FLVCR2: variants seen among roughly 807,000 people sequenced by gnomAD.
FLVCR2 encodes choline/ethanolamine transporter FLVCR2.
Under a neutral mutation model 48.9 loss-of-function variants are expected in FLVCR2, and 38 were observed. That is an observed-to-expected ratio of 0.78 (90% CI 0.60 to 1.02). The LOEUF (loss-of-function observed/expected upper bound fraction) is 1.02, where lower values mean the gene tolerates loss of function less well. FLVCR2 is among the 50% of genes least tolerant of loss of function. FLVCR2 has a pLI of 0.00. For synonymous variants in FLVCR2, 255 were observed against 257.0 expected (o/e 0.99, Z 0.07); for missense variants, 664 against 663.3 (o/e 1.00, Z -0.01).
At chr14:75,596,790 C>CG (rs1262966602) in intron 1 of FLVCR2, among the ~76,000 whole-genome samples, 1 of 124,658 alleles carries the variant, frequency 8.0e-6, no homozygotes, top group African/African-American at 2.9e-5. Flanking sequence ...GCCCCCCCCC[C>CG]CCGCCCCCAC....
chr14:75,598,910 C>T (rs1889091885), intron 1 of FLVCR2, among the ~76,000 whole-genome samples: 2 of 152,216 alleles, frequency 1.3e-5, no homozygotes, highest in Admixed American at 1.3e-4. Context: ...CTCTTGTTAC[C>T]TCTCAGCCTT....
chr14:75,629,133 C>A (rs1035108289), intron 3 of FLVCR2, among the ~76,000 whole-genome samples: 1 of 152,122 alleles, frequency 6.6e-6, no homozygotes, highest in Admixed American at 6.5e-5. Flanking sequence ...GTGTTGCTGG[C>A]TTTTCCCTAG....
chr14:75,609,040 A>T (rs1213074929), intron 1 of FLVCR2, among the ~76,000 whole-genome samples: 1 of 152,018 alleles, frequency 6.6e-6, no homozygotes, highest in Non-Finnish European at 1.5e-5. Flanking sequence ...AAGCCACTAA[A>T]GAAGGCCCTC....
intron 5 of FLVCR2, among the ~76,000 whole-genome samples, chr14:75,635,689 A>G (rs1414132141): frequency 6.6e-6 from 1 of 151,762 alleles, no homozygotes; most frequent in Non-Finnish European, 1.5e-5. Context: ...ACATGGTGAA[A>G]CCCCATCTCT....
At chr14:75,606,380 G>T (rs1423059682) in intron 1 of FLVCR2, among the ~76,000 whole-genome samples, 1 of 152,188 alleles carries the variant, frequency 6.6e-6, no homozygotes, top group East Asian at 1.9e-4. Flanking sequence ...TGGGCTAGTA[G>T]CTGCCTTTTG....
intron 1 of FLVCR2, among the ~76,000 whole-genome samples, chr14:75,580,535 C>T (rs1364967391): frequency 6.6e-6 from 1 of 152,228 alleles, no homozygotes; most frequent in Non-Finnish European, 1.5e-5. Context: ...ACCAAACAGG[C>T]TTTGTGTGAG....
rs1804330557 is a variant in FLVCR2 at position 75,640,954 on chromosome 14, G to A, written c.1236-1G>A. The A allele has an allele frequency of 6.2e-7, 1 of 1,611,372 alleles. No homozygotes were observed. Among genetic ancestry groups the A allele is most frequent in the Non-Finnish European group, 8.5e-7 (1 of 1,177,646 alleles). On this transcript the variant is annotated splice_acceptor_variant, in intron 6 of 9. Coordinates refer to ENST00000238667, the MANE Select transcript of FLVCR2 (RefSeq NM_017791.3). LOFTEE classifies it high-confidence loss of function. ...CCTTGTTTCTCTGGTCTGGTCTTCA[G>A]CTTCTTTATGACTGGCTATCTCCCA...
intron 1 of FLVCR2, among the ~76,000 whole-genome samples, chr14:75,583,989 T>C (rs1025732285): frequency 3.9e-5 from 6 of 152,026 alleles, no homozygotes; most frequent in East Asian, 3.9e-4. Context: ...CCAAGGAACA[T>C]TGGGTTTGGG....
At chr14:75,601,453 C>T (rs116850512) in intron 1 of FLVCR2, among the ~76,000 whole-genome samples, 2,212 of 152,196 alleles carry the variant, frequency 0.015, 26 homozygotes, top group Non-Finnish European at 0.021. Context: ...TAAAAAGGTG[C>T]TCAACATTAG....
rs2140059004 is a variant in FLVCR2, at chr14:75,646,482, G to T, written c.*10G>T. 1 of 1,605,830 alleles carries T rather than the reference G, an allele frequency of 6.2e-7. No individual in the cohort carries two copies. Among genetic ancestry groups the T allele is most frequent in the Non-Finnish European group, 8.5e-7 (1 of 1,172,390 alleles). ...AGAGGATCATCTCTGAGAGGAAGGT[G>T]GTGACAACTCAGGGAACACGAACAC... On this transcript the variant is annotated 3_prime_UTR_variant, in exon 10 of 10. Transcript: ENST00000238667.
chr14:75,646,527 C>A lies in FLVCR2; in HGVS notation c.*55C>A. On this transcript the variant is annotated 3_prime_UTR_variant, in exon 10 of 10. Coordinates refer to ENST00000238667, the MANE Select transcript of FLVCR2 (RefSeq NM_017791.3). ...GAACACCCCACCTTTTCCTTCAGCA[C>A]AGCTCTCACCGCCAGCACAAAGGGC... 8.0e-7 allele frequency: 1 copy of A among 1,253,748 alleles called. No individual in the cohort carries two copies. Among genetic ancestry groups the A allele is most frequent in the Non-Finnish European group, 1.2e-6 (1 of 853,096 alleles). 77.7% of individuals were successfully genotyped at this position (1,253,748 alleles called of 1,614,324 possible). A position where few individuals can be genotyped will look rare whatever the true frequency, so the allele number is the denominator to read the frequency against.
chr14:75,624,713 T>C lies in FLVCR2; in HGVS notation c.913T>C (p.Phe305Leu). 1 of 1,614,194 alleles carries C rather than the reference T, an allele frequency of 6.2e-7. No individual in the cohort carries two copies. The highest frequency in any genetic ancestry group is 8.5e-7 in the Non-Finnish European group (1 of 1,180,032). The change falls in exon 3 of 10, where the codon TTC becomes CTC. Residue 305 changes from phenylalanine (F) to leucine (L), a missense_variant. Coordinates refer to ENST00000238667, the MANE Select transcript of FLVCR2 (RefSeq NM_017791.3). ...ATACTTAGGTTCCATCGCCCGGCTC[T>C]TCAAAAATCTCAACTTTGTGCTGCT... ...ASYLGSIARLFKNLNFVLLVI... is the reference protein window; with the variant it reads ...ASYLGSIARLLKNLNFVLLVI...
chr14:75,624,883 A>G, intron 3 of FLVCR2, 131 bp downstream of exon 3: 1 of 1,117,888 alleles, frequency 8.9e-7, no homozygotes, highest in South Asian at 1.3e-5. Flanking sequence ...GTCAATCCAG[A>G]GGACCCAGCT....
At chr14:75,630,898 G>A (rs575710944) in intron 3 of FLVCR2, among the ~76,000 whole-genome samples, 6 of 152,110 alleles carry the variant, frequency 3.9e-5, no homozygotes. Flanking sequence ...AGGATGATCA[G>A]ACCTGAATAG....
At chr14:75,584,349 G>A (rs910665338) in intron 1 of FLVCR2, among the ~76,000 whole-genome samples, 2 of 152,188 alleles carry the variant, frequency 1.3e-5, no homozygotes, top group Non-Finnish European at 2.9e-5. Flanking sequence ...TTTGAGGGCC[G>A]GATTCCAATT....
At chr14:75,643,250 G>C (rs779428156) in intron 9 of FLVCR2, among the ~76,000 whole-genome samples, 1 of 152,216 alleles carries the variant, frequency 6.6e-6, no homozygotes, top group Non-Finnish European at 1.5e-5. Context: ...GGACATTAAG[G>C]TTGTTTTGAA....
Position 75,579,154 on chromosome 14 carries a change from C to G in FLVCR2, c.182C>G (p.Pro61Arg). Residue 61 changes from proline (P) to arginine (R), a missense_variant, in exon 1 of 10, where the codon CCC (proline) becomes CGC (arginine). Physicochemically the swap from Pro to Arg is moderately radical, Grantham distance 103. Coordinates refer to ENST00000238667, the MANE Select transcript of FLVCR2 (RefSeq NM_017791.3). Reference sequence around the variant, plus strand: ...GCCCACCCCAGTGCCTTAGCCCAACCCAGTGGCTTGGCTCACCCCAGTAGC... The same window carrying G: ...GCCCACCCCAGTGCCTTAGCCCAACGCAGTGGCTTGGCTCACCCCAGTAGC... ...SSAHPSALAQ[P>R]SGLAHPSSSG... 1 of 1,614,064 alleles carries G rather than the reference C, an allele frequency of 6.2e-7. No individual in the cohort carries two copies. Among genetic ancestry groups the G allele is most frequent in the African/African-American group, 1.3e-5 (1 of 75,048 alleles).
intron 1 of FLVCR2, among the ~76,000 whole-genome samples, chr14:75,607,781 A>G (rs1166341791): frequency 1.3e-5 from 2 of 152,238 alleles, no homozygotes; most frequent in Non-Finnish European, 2.9e-5. Context: ...TGAACTCAAA[A>G]AAAAAGGGGG....
At chr14:75,643,816 C>T (rs889960003) in intron 9 of FLVCR2, among the ~76,000 whole-genome samples, 1 of 152,194 alleles carries the variant, frequency 6.6e-6, no homozygotes, top group African/African-American at 2.4e-5. Flanking sequence ...CGCGATGGCT[C>T]ATGCCTGTAA....
Sources: gnomAD v4.1 joint callset for allele counts (sites outside exome capture counted in the v4.1 genomes callset) on GRCh38, gnomAD v4.1.1 for gene constraint, MANE v1.5 for transcripts, NCBI Gene and HGNC (gene_info 2026-07-23, HGNC 2026-07-21) for gene names.